Variants in PPEF1 observed in about 807,000 individuals in gnomAD.
PPEF1 encodes the protein serine/threonine-protein phosphatase with EF-hands 1.
In PPEF1, 12 loss-of-function variants were observed where a neutral mutation model predicts 53.3. The ratio of observed to expected loss-of-function variants is 0.23; its 90% CI spans 0.14 to 0.36. PPEF1 has a LOEUF of 0.36. Among genes scored for constraint, PPEF1 ranks in the 10% least tolerant of loss-of-function variants. The pLI is 1.00. For missense variants in PPEF1, 334 were observed against 490.4 expected (o/e 0.68, Z 3.01); for synonymous variants, 165 against 176.7 (o/e 0.93, Z 0.52).
chrX:18,811,607 ATATATATATTTT>A (rs1342352105), intron 12 of PPEF1, among the ~76,000 whole-genome samples: 139 of 17,033 alleles, frequency 8.2e-3, no homozygotes, highest in African/African-American at 0.031. Context: ...ATATATATAT[ATATATATATTTT>A]TTTTTTTTTT....
At chrX:18,800,442 C>T (rs909069519) in intron 10 of PPEF1, among the ~76,000 whole-genome samples, 4 of 110,719 alleles carry the variant, frequency 3.6e-5, no homozygotes, top group Admixed American at 9.7e-5. Context: ...ATTGTGGACT[C>T]AACCAATAAC....
At chrX:18,781,454 C>G (rs766371519) in intron 7 of PPEF1, among the ~76,000 whole-genome samples, 1 of 111,055 alleles carries the variant, frequency 9.0e-6, no homozygotes, top group East Asian at 2.9e-4. Context: ...TCAGAAGAGC[C>G]AGGAGGAAAA....
intron 3 of PPEF1, 64 bp downstream of exon 3, chrX:18,733,872 G>A (rs2044898718): frequency 2.2e-6 from 2 of 919,268 alleles, no homozygotes; most frequent in African/African-American, 4.1e-5. Flanking sequence ...CATCAAGAGC[G>A]GTAAATTCTG....
At chrX:18,751,551 G>A (rs974312206) in intron 4 of PPEF1, among the ~76,000 whole-genome samples, 8 of 111,207 alleles carry the variant, frequency 7.2e-5, no homozygotes, top group Admixed American at 6.7e-4. Flanking sequence ...AGGCCGAGGC[G>A]GGTGCATCAC....
At chrX:18,757,583 C>A (rs748842836) in intron 4 of PPEF1, 44 bp from the exon 5 acceptor site, 2 of 1,012,710 alleles carry the variant, frequency 2.0e-6, no homozygotes, top group Non-Finnish European at 1.4e-6. Flanking sequence ...TCATGTCTTT[C>A]TTCCTTGTTC....
chrX:18,735,546 T>A (rs1355172655), intron 3 of PPEF1, among the ~76,000 whole-genome samples: 3 of 112,031 alleles, frequency 2.7e-5, no homozygotes, highest in African/African-American at 9.7e-5. Context: ...TAGTATAGTT[T>A]GAAGTCAGGT....
At chrX:18,822,292 G>A (rs777563109) in intron 13 of PPEF1, among the ~76,000 whole-genome samples, 7 of 108,136 alleles carry the variant, frequency 6.5e-5, no homozygotes, top group African/African-American at 2.4e-4. Context: ...AGAGACTAAC[G>A]TTATACGAGC....
chrX:18,691,346 G>C (rs1455448499), intron 4 of PPEF1: 1 of 111,664 alleles, frequency 9.0e-6, no homozygotes, highest in Non-Finnish European at 1.9e-5. Flanking sequence ...ACTTCTCTGG[G>C]CGTGGTTTCC....
intron 12 of PPEF1, among the ~76,000 whole-genome samples, chrX:18,813,882 AT>A (rs1485667437): frequency 8.9e-6 from 1 of 111,738 alleles, no homozygotes; most frequent in Non-Finnish European, 1.9e-5. Context: ...ACATGTGCAG[AT>A]TTGTTACATG....
chrX:18,727,850 A>G (rs1048597033), intron 1 of PPEF1, among the ~76,000 whole-genome samples: 10 of 111,975 alleles, frequency 8.9e-5, no homozygotes, highest in African/African-American at 3.2e-4. Flanking sequence ...AGGGTATTAC[A>G]AAGGAAACAG....
chrX:18,707,964 A>G (rs2044237920), intron 1 of PPEF1, 138 bp downstream of exon 1: 1 of 476,306 alleles, frequency 2.1e-6, no homozygotes, highest in Non-Finnish European at 3.6e-6. Flanking sequence ...TTAGAGTAGC[A>G]TAGGAAACTA....
Position 18,795,067 on chromosome X carries a change from T to C in PPEF1, c.1065+5794T>C, listed in dbSNP as rs1307877778. On this transcript the variant is annotated intron_variant, in intron 10 of 15. Transcript: ENST00000470157. ...GCTCACGCCTGTAATCCCAGCACTTTGGGAGGCTGAGGTGGGCGGATTGCT... is the reference window on the plus strand; with the variant it reads ...GCTCACGCCTGTAATCCCAGCACTTCGGGAGGCTGAGGTGGGCGGATTGCT... Among the ~76,000 whole-genome samples, 10 of 112,264 alleles carry C rather than the reference T, an allele frequency of 8.9e-5. No homozygotes were observed. The East Asian group carries it at 2.2e-3, about 25-fold the overall frequency.
intron 12 of PPEF1, among the ~76,000 whole-genome samples, chrX:18,817,159 G>C (rs2046937028): frequency 9.2e-6 from 1 of 109,183 alleles, no homozygotes; most frequent in African/African-American, 3.3e-5. Context: ...GTATGTGTGT[G>C]ACTGTTTTGT....
At chrX:18,806,369 T>C (rs754005604) in intron 11 of PPEF1, 34 bp from the exon 12 acceptor site, 1 of 1,177,242 alleles carries the variant, frequency 8.5e-7, no homozygotes, top group Admixed American at 2.3e-5. Flanking sequence ...AGAACTAATG[T>C]TACGTGAACC....
At chrX:18,787,451 C>T in intron 9 of PPEF1, among the ~76,000 whole-genome samples, 1 of 111,481 alleles carries the variant, frequency 9.0e-6, no homozygotes. Flanking sequence ...ATTTGTCAAA[C>T]TCCCCAGCAA....
intron 13 of PPEF1, among the ~76,000 whole-genome samples, chrX:18,822,558 G>C (rs1056137480): frequency 4.6e-5 from 5 of 108,796 alleles, no homozygotes; most frequent in Non-Finnish European, 9.5e-5. Context: ...GCCCAGGCTG[G>C]AGTGCAGTGG....
rs188465035 is a variant in PPEF1, at chrX:18,683,806, C to T, written c.-638+805C>T. Reference sequence around the variant, plus strand: ...CTAGAAGGAGGGCATCACTTTCTGTCGTGATTACTATTTTGCACCCATGAG... The same window carrying T: ...CTAGAAGGAGGGCATCACTTTCTGTTGTGATTACTATTTTGCACCCATGAG... On this transcript the variant is annotated intron_variant, in intron 1 of 21. Transcript: ENST00000361511. 8.9e-5 allele frequency among the ~76,000 whole-genome samples: 10 copies of T among 111,808 alleles called. No individual in the cohort carries two copies. The East Asian group carries it at 2.8e-3, about 31-fold the overall frequency.
At chrX:18,817,927 A>C (rs1290994213) in intron 12 of PPEF1, 112 bp from the exon 13 acceptor site, 1 of 534,953 alleles carries the variant, frequency 1.9e-6, no homozygotes, top group Admixed American at 3.8e-5. Context: ...ATATGTGAGA[A>C]TCTGGGCAAT....
chrX:18,689,390 G>A (rs2147236996), intron 3 of PPEF1, among the ~76,000 whole-genome samples: 1 of 106,913 alleles, frequency 9.4e-6, no homozygotes, highest in South Asian at 4.4e-4. Context: ...GTTGAGTGAG[G>A]AGGATGACTT....
Sources: gnomAD v4.1 joint callset for allele counts (sites outside exome capture counted in the v4.1 genomes callset) on GRCh38, gnomAD v4.1.1 for gene constraint, MANE v1.5 for transcripts, NCBI Gene and HGNC (gene_info 2026-07-23, HGNC 2026-07-21) for gene names.